Variants in GABRR1 observed in about 807,000 individuals in gnomAD.
GABRR1 encodes gamma-aminobutyric acid receptor subunit rho-1.
A neutral mutation model predicts 55.5 loss-of-function variants in GABRR1; 59 were observed. The observed-to-expected ratio is 1.06, with a 90% CI of 0.86 to 1.32. The LOEUF (loss-of-function observed/expected upper bound fraction) is 1.32. GABRR1 is among the 40% of genes most tolerant of loss of function. The pLI, the probability that GABRR1 is intolerant of heterozygous loss-of-function variation, is 0.00. For synonymous variants in GABRR1, 213 were observed against 226.0 expected, an observed-to-expected ratio of 0.94 and a Z score of 0.51; for missense variants, 602 against 619.1, an observed-to-expected ratio of 0.97 and a Z score of 0.29.
At chr6:89,230,986 T>A (rs1773278629) in intron 1 of GABRR1, among the ~76,000 whole-genome samples, 1 of 151,938 alleles carries the variant, frequency 6.6e-6, no homozygotes, top group African/African-American at 2.4e-5. Context: ...TTTAAGCCGG[T>A]CTGAAAAGCG....
chr6:89,178,614 T>A lies in GABRR1; in HGVS notation c.*156A>T. On this transcript the variant is annotated 3_prime_UTR_variant, in exon 10 of 10. Transcript: ENST00000454853. Reference sequence around the variant, plus strand: ...AGTGCAAATTAAACCAGTAAGTGTCTCGTCAATGTAGCTTTGGAAAGCTGC... The same window carrying A: ...AGTGCAAATTAAACCAGTAAGTGTCACGTCAATGTAGCTTTGGAAAGCTGC... 2 of 636,092 alleles carry A rather than the reference T, an allele frequency of 3.1e-6. No individual in the cohort carries two copies. The highest frequency in any genetic ancestry group is 4.0e-5 in the South Asian group (2 of 50,340). The allele number at this position is 636,092 out of a possible 1,614,324, so 39.4% of individuals were successfully genotyped here.
Position 89,179,200 on chromosome 6 carries a change from G to GTTTTGT in GABRR1, c.1147-143_1147-138dup, listed in dbSNP as rs142030641. The GTTTTGT allele has an allele frequency of 6.6e-6, 6 of 908,176 alleles. No individual in the cohort carries two copies. In the South Asian group the frequency reaches 7.4e-5, roughly 11 times the overall value. The allele number at this position is 908,176 out of a possible 1,614,324, so 56.3% of individuals were successfully genotyped here. A position where few individuals can be genotyped will look rare whatever the true frequency, so the allele number is the denominator to read the frequency against. On this transcript the variant is annotated intron_variant, in intron 9 of 9. Coordinates refer to ENST00000454853, the MANE Select transcript of GABRR1 (RefSeq NM_002042.5). ...GGGAAGAGGGTAGGTATCCTGTTTT[G>GTTTTGT]TTTTGTTTTTGTTTTTGTTTTTTTT...
intron 6 of GABRR1, among the ~76,000 whole-genome samples, chr6:89,187,959 G>C (rs1212929079): frequency 6.6e-6 from 1 of 151,940 alleles, no homozygotes; most frequent in Non-Finnish European, 1.5e-5. Context: ...TCAAGACCCT[G>C]CTTTCAATTC....
intron 1 of GABRR1, among the ~76,000 whole-genome samples, chr6:89,210,883 A>G (rs143933013): frequency 2.0e-4 from 31 of 151,548 alleles, no homozygotes; most frequent in African/African-American, 7.3e-4. Context: ...GAGCTGCAGA[A>G]GCTCAGAAGT....
At chr6:89,210,182 ATTTTTTTTTTTTT>A (rs60158472) in intron 1 of GABRR1, among the ~76,000 whole-genome samples, 1 of 80,182 alleles carries the variant, frequency 1.2e-5, no homozygotes, top group Non-Finnish European at 2.3e-5. Flanking sequence ...TTCTGCAGCA[ATTTTTTTTTTTTT>A]TTTTTTTTTT....
rs1582369613 is a variant in GABRR1, at chr6:89,179,013, G to A, written c.1197C>T (p.Gly399=). ...LPPPRTAMLD[G]NYSDGEVNDL... ...CATTCACCTCCCCATCACTGTAGTT[G>A]CCGTCCAGCATCGCAGTGCGGGGCG... Residue 399 remains glycine, a synonymous_variant, in exon 10 of 10, where the codon GGC becomes GGT. Transcript: ENST00000454853. 1.2e-6 allele frequency: 2 copies of A among 1,614,156 alleles called. No individual in the cohort carries two copies. Among genetic ancestry groups the A allele is most frequent in the South Asian group, 2.2e-5 (2 of 91,090 alleles).
In GABRR1 at chr6:89,208,826, G is replaced by A. The variant is rs139873517; in HGVS notation, c.123-5341C>T. ...TCTGGAGACCCCTGACTGATACAGT[G>A]CGAACACTCCTTGACCCCTGAGGCC... is the stretch of plus-strand genomic sequence containing the variant. On this transcript the variant is annotated intron_variant, in intron 1 of 9. Transcript: ENST00000454853. Among the ~76,000 whole-genome samples the A allele has an allele frequency of 3.8e-3, 580 of 152,352 alleles. 5 individuals carry two copies. The highest frequency in any genetic ancestry group is 0.013 in the African/African-American group (559 of 41,588).
At chr6:89,184,624 A>G (rs1771836905) in intron 7 of GABRR1, among the ~76,000 whole-genome samples, 1 of 152,170 alleles carries the variant, frequency 6.6e-6, no homozygotes, top group Non-Finnish European at 1.5e-5. Flanking sequence ...GTAAATTGAA[A>G]ACAGCAGACC....
chr6:89,199,292 C>T (rs1582392084), intron 4 of GABRR1, 70 bp downstream of exon 4: 8 of 1,345,828 alleles, frequency 5.9e-6, no homozygotes, highest in South Asian at 1.2e-5. Flanking sequence ...AATTCAGGTG[C>T]GTGGAGCTCC....
intron 1 of GABRR1, among the ~76,000 whole-genome samples, chr6:89,211,678 C>G (rs1420632029): frequency 6.6e-6 from 1 of 152,156 alleles, no homozygotes; most frequent in South Asian, 2.1e-4. Context: ...ATGGCACAGC[C>G]TGCATCTCAT....
intron 6 of GABRR1, among the ~76,000 whole-genome samples, chr6:89,189,718 T>C (rs1772027085): frequency 6.6e-6 from 1 of 151,978 alleles, no homozygotes; most frequent in Admixed American, 6.5e-5. Context: ...AATTTGTTCC[T>C]GATATTTAAA....
chr6:89,225,297 G>T (rs1773182468), intron 1 of GABRR1, among the ~76,000 whole-genome samples: 1 of 146,264 alleles, frequency 6.8e-6, no homozygotes, highest in Admixed American at 6.8e-5. Flanking sequence ...AAGTTTTGGG[G>T]TACATGTGCA....
At chr6:89,208,074 T>A (rs1772707180) in intron 1 of GABRR1, among the ~76,000 whole-genome samples, 1 of 152,250 alleles carries the variant, frequency 6.6e-6, no homozygotes, top group Non-Finnish European at 1.5e-5. Flanking sequence ...GGCGCTTCGC[T>A]GCTCTAGTCC....
chr6:89,197,749 T>C (rs1221669373), intron 5 of GABRR1, among the ~76,000 whole-genome samples: 2 of 150,768 alleles, frequency 1.3e-5, no homozygotes, highest in Non-Finnish European at 3.0e-5. Flanking sequence ...ATTATCTATT[T>C]CTCTGACTCC....
At position 89,180,299 on chromosome 6, in the gene GABRR1, C is replaced by G; in HGVS notation, c.1139G>C (p.Arg380Pro). Residue 380 changes from arginine (R) to proline (P), a missense_variant, in exon 9 of 10, where the codon CGG becomes CCG. Physicochemically the swap from Arg to Pro is moderately radical, Grantham distance 103. This residue lies in a region of GABRR1 where 139 missense variants were observed against 141.1 expected (regional missense o/e 0.99). Coordinates refer to ENST00000454853, the MANE Select transcript of GABRR1 (RefSeq NM_002042.5). ...TVQERKEQKL[R>P]EKLPCTSGLP... ...AGCGCATGGCAAAGTCACCTTCTCC[C>G]GCAGCTTCTGTTCCTTCCTCTCCTG... The G allele has an allele frequency of 6.2e-7, 1 of 1,612,910 alleles. No homozygotes were observed. The highest frequency in any genetic ancestry group is 1.7e-5 in the Admixed American group (1 of 59,552).
intron 1 of GABRR1, among the ~76,000 whole-genome samples, chr6:89,209,777 G>A (rs1347145375): frequency 6.6e-6 from 1 of 152,066 alleles, no homozygotes; most frequent in Non-Finnish European, 1.5e-5. Flanking sequence ...TGAATCCCAG[G>A]GGAGCCACAA....
At position 89,199,463 on chromosome 6, in the gene GABRR1, T is replaced by C. The variant is rs374191683; in HGVS notation, c.281-34A>G. Reference sequence around the variant, plus strand: ...AGAGCATGGCAAGAGCATTCACTGTTTTTACTTGAAATTTTACTATGGAGG... The same window carrying C: ...AGAGCATGGCAAGAGCATTCACTGTCTTTACTTGAAATTTTACTATGGAGG... On this transcript the variant is annotated intron_variant, in intron 3 of 9. Transcript: ENST00000454853. The C allele has an allele frequency of 3.8e-4, 608 of 1,601,080 alleles. 1 individual carries two copies. Among genetic ancestry groups the C allele is most frequent in the Non-Finnish European group, 4.8e-4 (565 of 1,168,676 alleles).
At chr6:89,190,346 A>T (rs917383841) in intron 5 of GABRR1, 99 bp from the exon 6 acceptor site, 1 of 728,768 alleles carries the variant, frequency 1.4e-6, no homozygotes, top group African/African-American at 1.8e-5. Context: ...AATATGATAG[A>T]TGCCTCTTCT....
chr6:89,196,851 G>GAAAGAAA (rs1038398536), intron 5 of GABRR1, among the ~76,000 whole-genome samples: 2 of 132,720 alleles, frequency 1.5e-5, no homozygotes, highest in African/African-American at 5.8e-5. Flanking sequence ...AAGAAAGAAA[G>GAAAGAAA]AAAGAAAGAA....
Sources: allele counts gnomAD v4.1 joint callset (sites outside exome capture counted in the v4.1 genomes callset), GRCh38; gene constraint gnomAD v4.1.1; regional missense constraint gnomAD v4.1.1; transcripts MANE v1.5; gene names NCBI Gene and HGNC (gene_info 2026-07-23, HGNC 2026-07-21).